The following DNAJC21 variants were observed in gnomAD, a reference collection of about 807,000 sequenced individuals.
The protein encoded by DNAJC21 is dnaJ homolog subfamily C member 21.
A neutral mutation model predicts 72.4 loss-of-function variants in DNAJC21; 63 were observed. That is an observed-to-expected ratio of 0.87 (90% confidence interval 0.71 to 1.07). The LOEUF (loss-of-function observed/expected upper bound fraction) is 1.07, where lower values mean the gene tolerates loss of function less well. Among genes scored for constraint, DNAJC21 ranks in the 50% least tolerant of loss-of-function variants. DNAJC21 has a pLI of 0.00. For synonymous variants in DNAJC21, 203 were observed against 216.7 expected, an observed-to-expected ratio of 0.94 and a Z score of 0.56; for missense variants, 634 against 644.8, an observed-to-expected ratio of 0.98 and a Z score of 0.18.
At chr5:34,933,689 C>T in intron 1 of DNAJC21, 126 bp from the exon 2 acceptor site, 1 of 620,726 alleles carries the variant, frequency 1.6e-6, no homozygotes, top group East Asian at 2.9e-5. Context: ...AGTCTTTCTG[C>T]TTGGCCCTGG....
At chr5:34,944,259 G>T (rs193027585) in intron 7 of DNAJC21, among the ~76,000 whole-genome samples, 2 of 152,250 alleles carry the variant, frequency 1.3e-5, no homozygotes, top group East Asian at 3.9e-4. Context: ...AGTGAGAAAG[G>T]AGACCTCTCC....
Position 34,950,192 on chromosome 5 carries a change from T to C in DNAJC21, c.1208T>C (p.Val403Ala). ...TAGAATTATGATGACAATTTCAATG[T>C]AAATGGACCTGGAGAAGGAGTAAAG... Reference protein sequence around the residue: ...PAQNYDDNFNVNGPGEGVKVD... With the variant: ...PAQNYDDNFNANGPGEGVKVD... Residue 403 changes from valine to alanine, a missense_variant, in exon 10 of 12, where the codon GTA (valine) becomes GCA (alanine). Coordinates refer to ENST00000648817, the MANE Select transcript of DNAJC21 (RefSeq NM_001012339.3). 6.2e-7 allele frequency: 1 copy of C among 1,605,548 alleles called. No individual in the cohort carries two copies.
chr5:34,954,103 G>T, intron 11 of DNAJC21, 102 bp downstream of exon 11: 1 of 1,046,072 alleles, frequency 9.6e-7, no homozygotes, highest in Non-Finnish European at 1.4e-6. Context: ...ATTCCGCAAA[G>T]AGCCTGCAAA....
intron 5 of DNAJC21, 57 bp downstream of exon 5, chr5:34,937,687 C>T: frequency 6.5e-7 from 1 of 1,543,384 alleles, no homozygotes; most frequent in Non-Finnish European, 8.7e-7. Flanking sequence ...GAGGCAGCAC[C>T]AGAGGTACCT....
rs75679693 is a variant in DNAJC21 at position 34,948,389 on chromosome 5, A to C, written c.1186-1781A>C. On this transcript the variant is annotated intron_variant, in intron 9 of 11. Coordinates refer to ENST00000648817, the MANE Select transcript of DNAJC21 (RefSeq NM_001012339.3). ...GGAAAGTGGAACGTGAGCCTAGAGCATCTTATACTAGAAACTAAGGAAGTG... is the reference window on the plus strand; with the variant it reads ...GGAAAGTGGAACGTGAGCCTAGAGCCTCTTATACTAGAAACTAAGGAAGTG... Among the ~76,000 whole-genome samples the C allele has an allele frequency of 8.0e-3, 1,213 of 152,324 alleles. 27 individuals are homozygous for C. Among genetic ancestry groups the C allele is most frequent in the East Asian group, 0.059 (308 of 5,182 alleles).
At chr5:34,950,381 A>G (rs764880003) in intron 10 of DNAJC21, 39 bp downstream of exon 10, 3 of 1,589,188 alleles carry the variant, frequency 1.9e-6, no homozygotes, top group Non-Finnish European at 1.7e-6. Flanking sequence ...ATTACTGAAT[A>G]TTGATAGTAA....
At position 34,937,523 on chromosome 5, in the gene DNAJC21, A is replaced by G. The variant is rs1194099814; in HGVS notation, c.636A>G (p.Lys212=). ...GTCAGCTGGTAGCTTTCATTCGTAA[A>G]AGAGATAAAAGAGTGCAGGCGCATC... ...LVRQLVAFIR[K]RDKRVQAHRK... is the part of the protein sequence containing the mutation. Residue 212 remains lysine, a synonymous_variant, in exon 5 of 12, where the codon AAA becomes AAG. Coordinates refer to ENST00000648817, the MANE Select transcript of DNAJC21 (RefSeq NM_001012339.3). 6.2e-7 allele frequency: 1 copy of G among 1,614,114 alleles called. No homozygotes were observed. Among genetic ancestry groups the G allele is most frequent in the Admixed American group, 1.7e-5 (1 of 60,022 alleles).
intron 1 of DNAJC21, 122 bp downstream of exon 1, chr5:34,930,038 T>G (rs1466794253): frequency 5.9e-5 from 38 of 647,756 alleles, no homozygotes; most frequent in Non-Finnish European, 6.1e-5. Context: ...TAGGAGCTCC[T>G]TGCCCCGCCC....
rs868763414 is a variant in DNAJC21 at position 34,935,018 on chromosome 5, C to G, written c.192-692C>G. On this transcript the variant is annotated intron_variant, in intron 2 of 11. Coordinates refer to ENST00000648817, the MANE Select transcript of DNAJC21 (RefSeq NM_001012339.3). ...TCTTCTCAAGATCTTGGGTTGTTTTCTGATCCTTGGGATTCCTTTGTCTTT... is the reference window on the plus strand; with the variant it reads ...TCTTCTCAAGATCTTGGGTTGTTTTGTGATCCTTGGGATTCCTTTGTCTTT... 3.9e-5 allele frequency among the ~76,000 whole-genome samples: 6 copies of G among 152,174 alleles called. No homozygotes were observed. The South Asian group carries it at 6.2e-4, about 16-fold the overall frequency.
chr5:34,954,235 T>C, intron 11 of DNAJC21: 1 of 471,808 alleles, frequency 2.1e-6, no homozygotes, highest in Non-Finnish European at 3.7e-6. Context: ...TCTATTACTT[T>C]TCAATCTAAA....
intron 2 of DNAJC21, 42 bp from the exon 3 acceptor site, chr5:34,935,668 A>G: frequency 6.2e-7 from 1 of 1,609,580 alleles, no homozygotes; most frequent in Non-Finnish European, 8.5e-7. Flanking sequence ...TTGAATTCTT[A>G]CTTATTCAGC....
chr5:34,945,064 A>C (rs754008874), intron 8 of DNAJC21, 39 bp downstream of exon 8: 4 of 1,592,480 alleles, frequency 2.5e-6, no homozygotes, highest in Non-Finnish European at 3.4e-6. Context: ...AATACTTATC[A>C]CATTCAGAGA....
At chr5:34,930,074 C>T in intron 1 of DNAJC21, 158 bp downstream of exon 1, 1 of 478,660 alleles carries the variant, frequency 2.1e-6, no homozygotes, top group East Asian at 4.0e-5. Context: ...CCGCCCTGCC[C>T]GTCTCGGTGG....
rs1056760828 is a variant in DNAJC21 at position 34,955,492 on chromosome 5, TGTG to T, written c.*782_*784del. The stretch of plus-strand genomic sequence containing the variant: ...AGAATTTATACTATTTAAGAAGAGA[TGTG>T]GTGTTCTTCATTGAGTTTTTTTCTT... On this transcript the variant is annotated 3_prime_UTR_variant, in exon 12 of 12. Coordinates refer to ENST00000648817, the MANE Select transcript of DNAJC21 (RefSeq NM_001012339.3). The T allele has an allele frequency of 8.5e-5, 13 of 152,080 alleles. No homozygotes were observed. Among genetic ancestry groups the T allele is most frequent in the African/African-American group, 2.9e-4 (12 of 41,426 alleles). The allele number at this position is 152,080 out of a possible 1,614,324, so 9.4% of individuals were successfully genotyped here.
rs970051685 is a variant in DNAJC21 at position 34,938,940 on chromosome 5, G to A, written c.826G>A (p.Glu276Lys). 8.7e-6 allele frequency: 14 copies of A among 1,613,980 alleles called. No individual in the cohort carries two copies. Among genetic ancestry groups the A allele is most frequent in the East Asian group, 2.2e-5 (1 of 44,892 alleles). ...GCTCCAGGAGATGGAGGCACGGTAC[G>A]AGAAGGAGTTTGGAGATGGATCGGA... is the stretch of plus-strand genomic sequence containing the variant. ...KELQEMEARY[E>K]KEFGDGSDEN... The change falls in exon 6 of 12, where the codon GAG (glutamate) becomes AAG (lysine). Residue 276 changes from glutamate to lysine, a missense_variant. Glu to Lys is a moderately conservative substitution (Grantham distance 56). Coordinates refer to ENST00000648817, the MANE Select transcript of DNAJC21 (RefSeq NM_001012339.3).
intron 1 of DNAJC21, among the ~76,000 whole-genome samples, chr5:34,932,919 G>C (rs1008401170): frequency 6.6e-6 from 1 of 152,208 alleles, no homozygotes; most frequent in African/African-American, 2.4e-5. Flanking sequence ...ATCTCCTGTT[G>C]GTCACACAGA....
At chr5:34,941,866 C>T (rs1202142630) in intron 7 of DNAJC21, among the ~76,000 whole-genome samples, 2 of 151,638 alleles carry the variant, frequency 1.3e-5, no homozygotes, top group Non-Finnish European at 2.9e-5. Context: ...AGCGCCTGGC[C>T]CTTGTGTTTT....
At chr5:34,946,201 A>G (rs1231906252) in intron 9 of DNAJC21, among the ~76,000 whole-genome samples, 1 of 152,176 alleles carries the variant, frequency 6.6e-6, no homozygotes, top group Non-Finnish European at 1.5e-5. Flanking sequence ...CAACATAAAC[A>G]TTGCAAAAGG....
chr5:34,949,621 A>G (rs144083372), intron 9 of DNAJC21: 1 of 1,605,208 alleles, frequency 6.2e-7, no homozygotes, highest in Non-Finnish European at 8.5e-7. Context: ...GTTGGGAGAG[A>G]GAAGAGATGG....
Sources: allele counts gnomAD v4.1 joint callset (sites outside exome capture counted in the v4.1 genomes callset), GRCh38; gene constraint gnomAD v4.1.1; transcripts MANE v1.5; gene names NCBI Gene and HGNC (gene_info 2026-07-23, HGNC 2026-07-21).